Variants in NEBL observed in about 807,000 individuals in gnomAD.
NEBL encodes LIM and SH3 protein 2.
NEBL carries 122 observed loss-of-function variants against 140.2 expected under a neutral mutation model. The ratio of observed to expected loss-of-function variants is 0.87; its 90% CI spans 0.75 to 1.01. The LOEUF (loss-of-function observed/expected upper bound fraction) is 1.01. Ranked by LOEUF, NEBL falls within the 50% of genes least tolerant of loss-of-function variation. The pLI, the probability that NEBL is intolerant of heterozygous loss-of-function variation, is 0.00. For missense variants in NEBL, 1,365 were observed against 1,231.3 expected, an observed-to-expected ratio of 1.11 and a Z score of -1.62; for synonymous variants, 436 against 398.9, an observed-to-expected ratio of 1.09 and a Z score of -1.11.
chr10:20,961,895 C>A, intron 3 of NEBL: 2 of 763,888 alleles, frequency 2.6e-6, no homozygotes, highest in Non-Finnish European at 4.5e-6. Flanking sequence ...CAGATCTCAG[C>A]CGGAGGTGCA....
intron 4 of NEBL, among the ~76,000 whole-genome samples, chr10:20,926,956 G>T (rs1343507585): frequency 1.3e-5 from 2 of 152,194 alleles, no homozygotes; most frequent in Non-Finnish European, 2.9e-5. Context: ...AGAGATCACA[G>T]ATGAGTGGGG....
intron 18 of NEBL, 25 bp downstream of exon 18, chr10:20,826,422 A>G (rs1376495185): frequency 6.4e-7 from 1 of 1,560,866 alleles, no homozygotes; most frequent in South Asian, 1.1e-5. Context: ...TTTAGAAAAG[A>G]TAATTAATGC....
chr10:21,114,368 T>C (rs922843855), intron 2 of NEBL, among the ~76,000 whole-genome samples: 6 of 152,134 alleles, frequency 3.9e-5, no homozygotes, highest in Non-Finnish European at 8.8e-5. Flanking sequence ...GTAAATGTTC[T>C]GTGTGCACTT....
At chr10:20,980,507 G>A (rs894300368) in intron 3 of NEBL, among the ~76,000 whole-genome samples, 2 of 152,168 alleles carry the variant, frequency 1.3e-5, no homozygotes, top group Non-Finnish European at 2.9e-5. Flanking sequence ...TACAATCGTT[G>A]GTTAAGGTCA....
intron 4 of NEBL, among the ~76,000 whole-genome samples, chr10:20,917,000 G>C (rs981012334): frequency 6.6e-6 from 1 of 152,078 alleles, no homozygotes; most frequent in Admixed American, 6.6e-5. Flanking sequence ...ATATCCTAGG[G>C]AATGAACTCA....
intron 3 of NEBL, among the ~76,000 whole-genome samples, chr10:20,980,740 T>C (rs1008533715): frequency 1.3e-5 from 2 of 152,242 alleles, no homozygotes; most frequent in Non-Finnish European, 2.9e-5. Context: ...ATCACTATCC[T>C]AGCTCCCATC....
chr10:21,063,068 T>C (rs1457382428), intron 2 of NEBL, among the ~76,000 whole-genome samples: 2 of 152,140 alleles, frequency 1.3e-5, no homozygotes, highest in Non-Finnish European at 2.9e-5. Context: ...CTCAGTTATA[T>C]GAAGGCCAAA....
intron 1 of NEBL, among the ~76,000 whole-genome samples, chr10:21,290,928 C>A (rs957639498): frequency 1.3e-5 from 2 of 152,140 alleles, no homozygotes; most frequent in Admixed American, 1.3e-4. Flanking sequence ...GCCTTTTCTC[C>A]TTTTAATCTG....
intron 3 of NEBL, among the ~76,000 whole-genome samples, chr10:21,219,248 G>A (rs1010070573): frequency 6.6e-6 from 1 of 152,148 alleles, no homozygotes; most frequent in African/African-American, 2.4e-5. Context: ...AGTAATAAAT[G>A]AAATTAAAAA....
chr10:21,116,269 A>G (rs949039030), intron 2 of NEBL, among the ~76,000 whole-genome samples: 20 of 152,176 alleles, frequency 1.3e-4, no homozygotes, highest in African/African-American at 4.8e-4. Flanking sequence ...TCCAAACTCA[A>G]GCTGCCAACC....
intron 1 of NEBL, among the ~76,000 whole-genome samples, chr10:21,259,977 C>T (rs1339607706): frequency 6.6e-6 from 1 of 152,178 alleles, no homozygotes; most frequent in Non-Finnish European, 1.5e-5. Context: ...AAACCTGATA[C>T]CACTGGAGGC....
At chr10:20,801,648 T>C (rs1358064176) in intron 26 of NEBL, among the ~76,000 whole-genome samples, 2 of 152,036 alleles carry the variant, frequency 1.3e-5, no homozygotes, top group Non-Finnish European at 2.9e-5. Context: ...ATCTCACACA[T>C]ACAAGAGATA....
At position 21,214,531 on chromosome 10, in the gene NEBL, A is replaced by G. The variant is rs35762074; in HGVS notation, n.348+33390T>C. On this transcript the variant is annotated intron_variant and non_coding_transcript_variant, in intron 3 of 8. Coordinates refer to the NEBL transcript ENST00000675702. ...ACACATGCACACATGCACATTACAC[A>G]CACATACACACATGCACACACATGT... Among the ~76,000 whole-genome samples, 315 of 151,480 alleles carry G rather than the reference A, an allele frequency of 2.1e-3. 9 individuals are homozygous for G. In the East Asian group the frequency reaches 0.055, roughly 27 times the overall value.
chr10:21,062,883 A>C (rs1002741496), intron 2 of NEBL, among the ~76,000 whole-genome samples: 4 of 152,108 alleles, frequency 2.6e-5, no homozygotes, highest in Non-Finnish European at 5.9e-5. Flanking sequence ...TAAGCATTTG[A>C]GTCTACAGAC....
At chr10:21,100,693 C>T (rs1225411554) in intron 2 of NEBL, among the ~76,000 whole-genome samples, 1 of 152,150 alleles carries the variant, frequency 6.6e-6, no homozygotes, top group Non-Finnish European at 1.5e-5. Flanking sequence ...TATCAAACCC[C>T]TAGTTTGGGT....
At chr10:20,849,767 A>G (rs1219819126) in intron 11 of NEBL, among the ~76,000 whole-genome samples, 1 of 152,232 alleles carries the variant, frequency 6.6e-6, no homozygotes, top group Admixed American at 6.5e-5. Context: ...GGACTAAAAT[A>G]TAAACTAAAG....
Position 20,912,881 on chromosome 10 carries a change from C to CTTTTT in NEBL, c.357+48786_357+48790dup, listed in dbSNP as rs397847147. On this transcript the variant is annotated intron_variant, in intron 4 of 6. Transcript: ENST00000417816. ...TCATGGGGGCCATAGTATGCCAATT[C>CTTTTT]TTTTTTTTTTTTTTTTTTTTAGACA... Among the ~76,000 whole-genome samples, 46 of 117,828 alleles carry CTTTTT rather than the reference C, an allele frequency of 3.9e-4. 1 individual carries two copies. The highest frequency in any genetic ancestry group is 5.1e-4 in the Non-Finnish European group (29 of 56,896). 77.3% of individuals were successfully genotyped at this position (117,828 alleles called of 152,430 possible).
At chr10:21,221,910 C>G (rs995507567) in intron 3 of NEBL, among the ~76,000 whole-genome samples, 1 of 151,796 alleles carries the variant, frequency 6.6e-6, no homozygotes, top group African/African-American at 2.4e-5. Context: ...ACACTGAGAC[C>G]TAGGTGCCCA....
intron 2 of NEBL, among the ~76,000 whole-genome samples, chr10:21,077,484 G>C (rs1836154728): frequency 6.6e-6 from 1 of 152,052 alleles, no homozygotes; most frequent in Non-Finnish European, 1.5e-5. Flanking sequence ...GCAGGTGCCT[G>C]TAGTCCCAGC....
Sources: gnomAD v4.1 joint callset for allele counts (sites outside exome capture counted in the v4.1 genomes callset) on GRCh38, gnomAD v4.1.1 for gene constraint, MANE v1.5 for transcripts, NCBI Gene and HGNC (gene_info 2026-07-23, HGNC 2026-07-21) for gene names.